The following CCBE1 variants were observed in gnomAD, a reference collection of about 807,000 sequenced individuals.
CCBE1 encodes collagen and calcium binding EGF domains 1, also known as collagen and calcium-binding EGF domain-containing protein 1.
CCBE1 carries 37 observed loss-of-function variants against 50.0 expected under a neutral mutation model. The ratio of observed to expected loss-of-function variants is 0.74; its 90% confidence interval spans 0.57 to 0.97. The LOEUF is 0.97. CCBE1 is among the 50% of genes least tolerant of loss of function. CCBE1 has a pLI of 0.00. For missense variants in CCBE1, 538 were observed against 523.8 expected (o/e 1.03, Z -0.26); for synonymous variants, 234 against 203.7 (o/e 1.15, Z -1.27).
At chr18:59,452,332 C>T (rs1200776903) in intron 6 of CCBE1, among the ~76,000 whole-genome samples, 1 of 152,182 alleles carries the variant, frequency 6.6e-6, no homozygotes, top group African/African-American at 2.4e-5. Flanking sequence ...GTGGCTCATG[C>T]CTGTAATCCC....
chr18:59,670,484 A>G (rs896062172), intron 2 of CCBE1, among the ~76,000 whole-genome samples: 6 of 152,196 alleles, frequency 3.9e-5, no homozygotes, highest in African/African-American at 1.4e-4. Flanking sequence ...TTTCATAATG[A>G]GGATTTGTCT....
At chr18:59,605,342 G>A (rs987950241) in intron 2 of CCBE1, among the ~76,000 whole-genome samples, 4 of 152,224 alleles carry the variant, frequency 2.6e-5, no homozygotes, top group African/African-American at 9.6e-5. Context: ...AGAGGAAGAT[G>A]ACAAGTTTTA....
In CCBE1 at chr18:59,588,921, C is replaced by A. The variant is rs894825791; in HGVS notation, c.212+107708G>T. Among the ~76,000 whole-genome samples, 5 of 152,204 alleles carry A rather than the reference C, an allele frequency of 3.3e-5. 1 individual carries two copies. In the East Asian group the frequency reaches 9.6e-4, roughly 29 times the overall value. Reference sequence around the variant, plus strand: ...GGCTACTGCAGGTGAGGAACCATCCCATGCACAACTTCCCCAGTAACCCCT... The same window carrying A: ...GGCTACTGCAGGTGAGGAACCATCCAATGCACAACTTCCCCAGTAACCCCT... On this transcript the variant is annotated intron_variant, in intron 2 of 10. Coordinates refer to ENST00000439986, the MANE Select transcript of CCBE1 (RefSeq NM_133459.4).
chr18:59,512,330 G>C (rs534672838), intron 2 of CCBE1, among the ~76,000 whole-genome samples: 1 of 152,366 alleles, frequency 6.6e-6, no homozygotes, highest in East Asian at 1.9e-4. Flanking sequence ...TTCAGGAGCT[G>C]TAAACATCTA....
At chr18:59,521,210 G>A (rs930283538) in intron 2 of CCBE1, among the ~76,000 whole-genome samples, 1 of 152,146 alleles carries the variant, frequency 6.6e-6, no homozygotes, top group East Asian at 1.9e-4. Context: ...TGAAAATTAA[G>A]AGCCAAATTC....
intron 2 of CCBE1, among the ~76,000 whole-genome samples, chr18:59,629,933 C>T (rs753489909): frequency 2.6e-5 from 4 of 152,280 alleles, no homozygotes; most frequent in South Asian, 4.1e-4. Context: ...CATTTATTAG[C>T]AAGGCTCTGA....
At chr18:59,696,747 G>T (rs1451456574) in intron 1 of CCBE1, 38 bp from the exon 2 acceptor site, 3 of 1,603,220 alleles carry the variant, frequency 1.9e-6, no homozygotes, top group East Asian at 2.2e-5. Context: ...GATTCTCAGC[G>T]GGAGAGCGGA....
At chr18:59,602,428 A>T (rs929003592) in intron 2 of CCBE1, among the ~76,000 whole-genome samples, 2 of 152,202 alleles carry the variant, frequency 1.3e-5, no homozygotes, top group African/African-American at 2.4e-5. Flanking sequence ...CAAGGCACTG[A>T]TCTTTTATAT....
intron 7 of CCBE1, among the ~76,000 whole-genome samples, chr18:59,446,461 A>G (rs1364639637): frequency 2.0e-5 from 3 of 152,192 alleles, no homozygotes; most frequent in Non-Finnish European, 4.4e-5. Context: ...TTGCTGGTGA[A>G]AACTCCACCA....
At chr18:59,531,994 T>C (rs1915071367) in intron 2 of CCBE1, among the ~76,000 whole-genome samples, 2 of 152,324 alleles carry the variant, frequency 1.3e-5, no homozygotes, top group South Asian at 2.1e-4. Flanking sequence ...AACACGTATT[T>C]CCCTATCATT....
chr18:59,639,879 ACAAT>A (rs1443314390), intron 2 of CCBE1, among the ~76,000 whole-genome samples: 1 of 152,228 alleles, frequency 6.6e-6, no homozygotes, highest in Non-Finnish European at 1.5e-5. Context: ...AATAAAGAAT[ACAAT>A]CCATTCAAAA....
At chr18:59,531,427 G>T (rs1489207286) in intron 2 of CCBE1, among the ~76,000 whole-genome samples, 1 of 152,050 alleles carries the variant, frequency 6.6e-6, no homozygotes. Context: ...AGAAACAAAT[G>T]TGAGAGAGGA....
intron 2 of CCBE1, among the ~76,000 whole-genome samples, chr18:59,696,230 A>C (rs1388594555): frequency 1.3e-5 from 2 of 152,218 alleles, no homozygotes; most frequent in African/African-American, 2.4e-5. Context: ...AGAAGGTCAG[A>C]AGACAGACAA....
At chr18:59,448,179 G>A (rs1281641244) in intron 6 of CCBE1, 76 bp from the exon 7 acceptor site, 65 of 1,597,050 alleles carry the variant, frequency 4.1e-5, no homozygotes, top group Non-Finnish European at 2.7e-5. Context: ...GGTGGGAGAA[G>A]CTGCAAAGCC....
chr18:59,488,244 G>T (rs938048047), intron 2 of CCBE1, among the ~76,000 whole-genome samples: 4 of 152,216 alleles, frequency 2.6e-5, no homozygotes, highest in Non-Finnish European at 5.9e-5. Flanking sequence ...TTGGGAAGAT[G>T]AAAAATTCTG....
chr18:59,642,248 T>C (rs1022311787), intron 2 of CCBE1, among the ~76,000 whole-genome samples: 2 of 152,196 alleles, frequency 1.3e-5, no homozygotes, highest in African/African-American at 2.4e-5. Context: ...AAGATGTTCT[T>C]AATCTCATTA....
intron 2 of CCBE1, among the ~76,000 whole-genome samples, chr18:59,612,713 T>C (rs1240052876): frequency 6.6e-6 from 1 of 152,130 alleles, no homozygotes; most frequent in Non-Finnish European, 1.5e-5. Context: ...AGCTCAGTGC[T>C]ATGCAATGGG....
chr18:59,613,158 G>C (rs1213267530), intron 2 of CCBE1, among the ~76,000 whole-genome samples: 2 of 151,692 alleles, frequency 1.3e-5, no homozygotes, highest in Non-Finnish European at 2.9e-5. Flanking sequence ...CTACACCTGT[G>C]TATCTACACC....
chr18:59,539,160 G>A (rs1915366154), intron 2 of CCBE1, among the ~76,000 whole-genome samples: 1 of 151,140 alleles, frequency 6.6e-6, no homozygotes, highest in East Asian at 1.9e-4. Flanking sequence ...TGGGCTATAG[G>A]GCAGGACTCT....
Sources: gnomAD v4.1 joint callset for allele counts (sites outside exome capture counted in the v4.1 genomes callset) on GRCh38, gnomAD v4.1.1 for gene constraint, MANE v1.5 for transcripts, NCBI Gene and HGNC (gene_info 2026-07-23, HGNC 2026-07-21) for gene names.